Variants in PROZ observed in about 807,000 individuals in gnomAD.
PROZ encodes vitamin K-dependent protein Z.
A neutral mutation model predicts 34.9 loss-of-function variants in PROZ; 46 were observed. The ratio of observed to expected loss-of-function variants is 1.32; its 90% CI spans 1.04 to 1.69. The LOEUF is 1.69. Ranked by LOEUF, PROZ falls within the 40% of genes most tolerant of loss-of-function variation. The pLI is 0.00. For synonymous variants in PROZ, 195 were observed against 208.5 expected (o/e 0.94, Z 0.56); for missense variants, 530 against 520.4 (o/e 1.02, Z -0.18).
In PROZ at chr13:113,168,872, G is replaced by A. The variant is rs3024757; in HGVS notation, c.574-1541G>A. Among the ~76,000 whole-genome samples, 4 of 151,966 alleles carry A rather than the reference G, an allele frequency of 2.6e-5. No homozygotes were observed. In the East Asian group the frequency reaches 7.7e-4, roughly 29 times the overall value. Reference sequence around the variant, plus strand: ...GCGTCTTGAGTAGCTGGGACCATAGGTGTGCACGACCACACACAGCTAATT... The same window carrying A: ...GCGTCTTGAGTAGCTGGGACCATAGATGTGCACGACCACACACAGCTAATT... On this transcript the variant is annotated intron_variant, in intron 6 of 7. Coordinates refer to ENST00000375547, the MANE Select transcript of PROZ (RefSeq NM_003891.3).
At chr13:113,162,981 C>T (rs1358565020) in intron 3 of PROZ, 28 bp from the exon 4 acceptor site, 7 of 1,480,864 alleles carry the variant, frequency 4.7e-6, no homozygotes, top group Non-Finnish European at 6.5e-6. Context: ...CTGTCACCAC[C>T]ACCCCAACCC....
At chr13:113,167,476 A>G (rs953457894) in intron 6 of PROZ, among the ~76,000 whole-genome samples, 6 of 152,238 alleles carry the variant, frequency 3.9e-5, no homozygotes, top group Non-Finnish European at 8.8e-5. Flanking sequence ...ATGTGGGCAC[A>G]TGCTTTATTT....
intron 6 of PROZ, among the ~76,000 whole-genome samples, chr13:113,167,482 T>A (rs2036974374): frequency 6.6e-6 from 1 of 152,242 alleles, no homozygotes; most frequent in South Asian, 2.1e-4. Flanking sequence ...GCACATGCTT[T>A]ATTTCATTTA....
chr13:113,159,219 C>A lies in PROZ; in HGVS notation c.70+489C>A. 6.5e-7 allele frequency: 1 copy of A among 1,547,608 alleles called. No homozygotes were observed. The highest frequency in any genetic ancestry group is 8.7e-7 in the Non-Finnish European group (1 of 1,143,976). On this transcript the variant is annotated intron_variant, in intron 1 of 7. Transcript: ENST00000375547. This position sits in a 1 kb window ranked among gnomAD's most constrained non-coding sequence, Gnocchi z 4.6. ...ACCAGCCACTTCACTGAAGGAACGA[C>A]ATGGACTCCATTCTGACTCTGCCTG... is the stretch of plus-strand genomic sequence containing the variant.
intron 3 of PROZ, among the ~76,000 whole-genome samples, chr13:113,161,782 T>C (rs1479546655): frequency 1.2e-4 from 13 of 105,270 alleles, no homozygotes; most frequent in Non-Finnish European, 1.9e-4. Context: ...CCTGCTCAGG[T>C]CCCCGTCCCT....
At chr13:113,166,014 T>C (rs1034189769) in intron 6 of PROZ, 1 of 152,250 alleles carries the variant, frequency 6.6e-6, no homozygotes, top group Non-Finnish European at 1.5e-5. Flanking sequence ...AAAATAGATA[T>C]TACGATTTTT....
chr13:113,162,937 C>CACCACCCCA (rs2036788490), intron 3 of PROZ, 72 bp from the exon 4 acceptor site: 1 of 861,406 alleles, frequency 1.2e-6, no homozygotes, highest in Non-Finnish European at 1.8e-6. Flanking sequence ...TTCCTGTCAC[C>CACCACCCCA]ACCCCCACCC....
At position 113,159,848 on chromosome 13, in the gene PROZ, A is replaced by T. The variant is rs1330242730; in HGVS notation, c.71-166A>T. On this transcript the variant is annotated intron_variant, in intron 1 of 7. Transcript: ENST00000375547. This position sits in a 1 kb window ranked among gnomAD's most constrained non-coding sequence, Gnocchi z 4.6. ...CGCCCAGAGGATGAAGTGCTTGCCT[A>T]CCTCGGGGGAGGGAGTAGCGGGGTG... Among the ~76,000 whole-genome samples, 1 of 152,100 alleles carries T rather than the reference A, an allele frequency of 6.6e-6. No homozygotes were observed. Among genetic ancestry groups the T allele is most frequent in the Admixed American group, 6.5e-5 (1 of 15,268 alleles).
chr13:113,159,915 G>A lies in PROZ; in HGVS notation c.71-99G>A, dbSNP rs199527298. On this transcript the variant is annotated intron_variant, in intron 1 of 7. Coordinates refer to ENST00000375547, the MANE Select transcript of PROZ (RefSeq NM_003891.3). The surrounding 1 kb of genome is among the most constrained non-coding windows in gnomAD (Gnocchi z 4.6). The stretch of plus-strand genomic sequence containing the variant: ...AGGCTGAGAGCCTGTGGAGACGGAC[G>A]GGGCTGGGGCTGGCGGCCGGCCGGG... 1.8e-4 allele frequency: 262 copies of A among 1,436,728 alleles called. 3 individuals are homozygous for A. The East Asian group carries it at 5.0e-3, about 27-fold the overall frequency. The allele number at this position is 1,436,728 out of a possible 1,614,324, so 89.0% of individuals were successfully genotyped here.
intron 6 of PROZ, among the ~76,000 whole-genome samples, chr13:113,167,821 TCTTG>T (rs3024750): frequency 0.69 from 104,262 of 151,576 alleles, 36,982 homozygotes; most frequent in Middle Eastern, 0.8. Flanking sequence ...AAAGCTATCA[TCTTG>T]CTATCTTTTA....
chr13:113,163,259 C>T, intron 4 of PROZ, 137 bp downstream of exon 4: 1 of 750,316 alleles, frequency 1.3e-6, no homozygotes, highest in Non-Finnish European at 2.3e-6. Flanking sequence ...TGGCTCACCC[C>T]AGGGGATTCC....
rs1307995653 is a variant in PROZ at position 113,159,913 on chromosome 13, A to T, written c.71-101A>T. The T allele has an allele frequency of 1.8e-5, 25 of 1,426,770 alleles. No homozygotes were observed. Among genetic ancestry groups the T allele is most frequent in the Non-Finnish European group, 3.9e-6 (4 of 1,013,074 alleles). 88.4% of individuals were successfully genotyped at this position (1,426,770 alleles called of 1,614,324 possible). A position where few individuals can be genotyped will look rare whatever the true frequency, so the allele number is the denominator to read the frequency against. ...GCAGGCTGAGAGCCTGTGGAGACGG[A>T]CGGGGCTGGGGCTGGCGGCCGGCCG... On this transcript the variant is annotated intron_variant, in intron 1 of 7. Coordinates refer to ENST00000375547, the MANE Select transcript of PROZ (RefSeq NM_003891.3). The surrounding 1 kb of genome is among the most constrained non-coding windows in gnomAD (Gnocchi z 4.6).
At chr13:113,170,928 CTT>C (rs34930539) in intron 7 of PROZ, among the ~76,000 whole-genome samples, 9 of 146,546 alleles carry the variant, frequency 6.1e-5, no homozygotes, top group East Asian at 6.0e-4. Context: ...CTATTTCTTT[CTT>C]TTTTTTTTTT....
chr13:113,160,631 G>C (rs1040046837), intron 2 of PROZ, among the ~76,000 whole-genome samples: 1 of 152,234 alleles, frequency 6.6e-6, no homozygotes. Flanking sequence ...AGGGTGGCGT[G>C]GAGATTGGCC....
intron 3 of PROZ, among the ~76,000 whole-genome samples, chr13:113,161,521 C>G (rs998206888): frequency 1.3e-5 from 2 of 152,126 alleles, no homozygotes; most frequent in Non-Finnish European, 2.9e-5. Context: ...GCAGCCACCA[C>G]CAGACAAGCA....
rs756407082 is a variant in PROZ, at chr13:113,171,575, C to T, written c.692-19C>T. 7.4e-6 allele frequency: 12 copies of T among 1,613,836 alleles called. No individual in the cohort carries two copies. Among genetic ancestry groups the T allele is most frequent in the Middle Eastern group, 1.6e-4 (1 of 6,082 alleles). The stretch of plus-strand genomic sequence containing the variant: ...TGAAAATCAGACTGTAAAGAACTGA[C>T]GATTGTTCATGATTTCAGATTTTAA... On this transcript the variant is annotated intron_variant, in intron 7 of 7. Transcript: ENST00000375547. This position sits in a 1 kb window ranked among gnomAD's most constrained non-coding sequence, Gnocchi z 5.1.
intron 6 of PROZ, among the ~76,000 whole-genome samples, chr13:113,170,107 T>C (rs1243248617): frequency 1.3e-5 from 2 of 152,214 alleles, no homozygotes; most frequent in Non-Finnish European, 2.9e-5. Context: ...CATCATTCCA[T>C]AGATTTTGTC....
intron 4 of PROZ, among the ~76,000 whole-genome samples, chr13:113,163,743 C>G (rs2036822237): frequency 6.6e-6 from 1 of 151,978 alleles, no homozygotes; most frequent in African/African-American, 2.4e-5. Flanking sequence ...TGACCTTCAC[C>G]CACCATGTGC....
At chr13:113,162,905 C>CCTCCTCCTG in intron 3 of PROZ, 104 bp from the exon 4 acceptor site, 1 of 544,810 alleles carries the variant, frequency 1.8e-6, no homozygotes, top group South Asian at 1.9e-5. Context: ...CCCACTCCAT[C>CCTCCTCCTG]CTCCTCCTGC....
Sources: gnomAD v4.1 joint callset for allele counts (sites outside exome capture counted in the v4.1 genomes callset) on GRCh38, gnomAD v4.1.1 for gene constraint, Gnocchi (gnomAD v3.1) non-coding constraint, MANE v1.5 for transcripts, NCBI Gene and HGNC (gene_info 2026-07-23, HGNC 2026-07-21) for gene names.